Variants in BRCA1 observed in about 807,000 individuals in gnomAD.
The protein encoded by BRCA1 is BRCA1 DNA repair associated.
In BRCA1, 140 loss-of-function variants were observed where a neutral mutation model predicts 173.7. That is an observed-to-expected ratio of 0.81 (90% CI 0.70 to 0.93). BRCA1 has a LOEUF of 0.93. Ranked by LOEUF, BRCA1 falls within the 40% of genes least tolerant of loss-of-function variation. BRCA1 has a pLI of 0.00. For synonymous variants in BRCA1, 662 were observed against 756.0 expected, an observed-to-expected ratio of 0.88 and a Z score of 2.04; for missense variants, 1,983 against 2,172.5, an observed-to-expected ratio of 0.91 and a Z score of 1.73.
chr17:43,139,369 CT>C (rs71228773), intron 1 of BRCA1, among the ~76,000 whole-genome samples: 248 of 142,170 alleles, frequency 1.7e-3, no homozygotes, highest in Middle Eastern at 3.8e-3. Context: ...TAGTTTTTTT[CT>C]TTTTTTTTTT....
intron 2 of BRCA1, among the ~76,000 whole-genome samples, chr17:43,118,504 G>A (rs1461302239): frequency 2.0e-5 from 3 of 151,920 alleles, no homozygotes; most frequent in African/African-American, 4.8e-5. Context: ...AGCCTCCCGA[G>A]TAGCTGGGAC....
Position 43,057,278 on chromosome 17 carries a change from G to A in BRCA1, c.5194-143C>T. 3 of 774,580 alleles carry A rather than the reference G, an allele frequency of 3.9e-6. No homozygotes were observed. In the South Asian group the frequency reaches 4.1e-5, roughly 11 times the overall value. 48.0% of individuals were successfully genotyped at this position (774,580 alleles called of 1,614,324 possible). A position where few individuals can be genotyped will look rare whatever the true frequency, so the allele number is the denominator to read the frequency against. ...TAATCCTAGCACTTTGGGAGACTGAGGCAGGCAGATCACTTGAGGTCAGGA... is the reference window on the plus strand; with the variant it reads ...TAATCCTAGCACTTTGGGAGACTGAAGCAGGCAGATCACTTGAGGTCAGGA... On this transcript the variant is annotated intron_variant, in intron 18 of 22. Coordinates refer to ENST00000357654, the MANE Select transcript of BRCA1 (RefSeq NM_007294.4).
chr17:43,108,586 T>G (rs2054892868), intron 3 of BRCA1, among the ~76,000 whole-genome samples: 1 of 148,394 alleles, frequency 6.7e-6, no homozygotes, highest in South Asian at 2.1e-4. Context: ...CACGCCTGAG[T>G]CCCAGCTACT....
chr17:43,068,828 C>T (rs925263307), intron 15 of BRCA1, among the ~76,000 whole-genome samples: 4 of 152,128 alleles, frequency 2.6e-5, no homozygotes, highest in African/African-American at 9.7e-5. Flanking sequence ...TCAATTCTCT[C>T]GTAAGAAGGC....
intron 6 of BRCA1, among the ~76,000 whole-genome samples, chr17:43,103,872 C>T (rs1226249046): frequency 6.6e-6 from 1 of 151,866 alleles, no homozygotes; most frequent in Non-Finnish European, 1.5e-5. Flanking sequence ...TTTGGGGAGC[C>T]GAGGTGGGTG....
At chr17:43,086,109 T>TACAC (rs376686434) in intron 11 of BRCA1, among the ~76,000 whole-genome samples, 12,349 of 137,318 alleles carry the variant, frequency 0.09, 1,006 homozygotes, top group African/African-American at 0.22. Context: ...ATCACATACA[T>TACAC]ACACACACAC....
chr17:43,053,114 G>A (rs1410346133), intron 19 of BRCA1, among the ~76,000 whole-genome samples: 1 of 151,982 alleles, frequency 6.6e-6, no homozygotes, highest in Non-Finnish European at 1.5e-5. Context: ...CTGACCTCAT[G>A]ATCCACCCGC....
chr17:43,129,322 G>C (rs2055945103), upstream of BRCA1, among the ~76,000 whole-genome samples: 1 of 152,228 alleles, frequency 6.6e-6, no homozygotes, highest in African/African-American at 2.4e-5. Context: ...ATATGGTCCA[G>C]CTAAGCTAGA....
chr17:43,115,945 TGAGAATACAGCA>T (rs2055277225), intron 2 of BRCA1, among the ~76,000 whole-genome samples, 166 bp from the exon 3 acceptor site: 1 of 152,244 alleles, frequency 6.6e-6, no homozygotes, highest in Non-Finnish European at 1.5e-5. Context: ...TGTCAGGAAC[TGAGAATACAGCA>T]GAGAATACGA....
intron 18 of BRCA1, among the ~76,000 whole-genome samples, chr17:43,057,778 G>A (rs1464140999): frequency 6.6e-6 from 1 of 151,922 alleles, no homozygotes; most frequent in Non-Finnish European, 1.5e-5. Context: ...GGAGCTTGCA[G>A]TGAGCGGAGA....
intron 7 of BRCA1, among the ~76,000 whole-genome samples, chr17:43,098,695 A>T (rs907728615): frequency 3.3e-5 from 5 of 151,332 alleles, no homozygotes; most frequent in African/African-American, 1.2e-4. Flanking sequence ...AAAAATAGAG[A>T]CAGGGTTCCC....
At chr17:43,142,324 T>A (rs776019384) in intron 1 of BRCA1, 1 of 152,276 alleles carries the variant, frequency 6.6e-6, no homozygotes, top group Admixed American at 6.5e-5. Context: ...TTAAAGTGCT[T>A]AGCACTGTAC....
In BRCA1 at chr17:43,106,712, CA is replaced by C. The variant is rs574932997; in HGVS notation, c.135-180del. ...TAATTGTTTTTGGATGCTGCATAAG[CA>C]AAAACCTAAACTACATAAGCAATGA... is the stretch of plus-strand genomic sequence containing the variant. On this transcript the variant is annotated intron_variant, in intron 3 of 22. Coordinates refer to ENST00000357654, the MANE Select transcript of BRCA1 (RefSeq NM_007294.4). Among the ~76,000 whole-genome samples, 12 of 152,188 alleles carry C rather than the reference CA, an allele frequency of 7.9e-5. No individual in the cohort carries two copies. The East Asian group carries it at 2.3e-3, about 29-fold the overall frequency.
intron 6 of BRCA1, among the ~76,000 whole-genome samples, chr17:43,103,831 G>A (rs917253778): frequency 6.6e-6 from 1 of 152,000 alleles, no homozygotes; most frequent in Non-Finnish European, 1.5e-5. Context: ...TACCGGCCGG[G>A]CACAGTGGCT....
At chr17:43,113,714 A>G (rs2055141128) in intron 3 of BRCA1, among the ~76,000 whole-genome samples, 1 of 152,094 alleles carries the variant, frequency 6.6e-6, no homozygotes, top group Non-Finnish European at 1.5e-5. Context: ...ATCTCTGCCT[A>G]TAAGCCTATA....
chr17:43,137,135 C>T (rs1458515629), intron 1 of BRCA1, among the ~76,000 whole-genome samples: 1 of 151,842 alleles, frequency 6.6e-6, no homozygotes, highest in Non-Finnish European at 1.5e-5. Flanking sequence ...TTTGTAGGGA[C>T]ATGGATGAAG....
chr17:43,071,292 AG>A, intron 14 of BRCA1, 54 bp from the exon 15 acceptor site: 1 of 1,581,588 alleles, frequency 6.3e-7, no homozygotes, highest in South Asian at 1.1e-5. Flanking sequence ...TGAATTACAA[AG>A]TTCTGGTCTC....
chr17:43,054,254 A>G (rs1025434559), intron 19 of BRCA1, among the ~76,000 whole-genome samples: 2 of 152,350 alleles, frequency 1.3e-5, no homozygotes, highest in Non-Finnish European at 2.9e-5. Context: ...AAATAAGGCC[A>G]GCAGCTTTTC....
In BRCA1 at chr17:43,093,842, C is replaced by A. The variant is rs2053899751; in HGVS notation, c.1689G>T (p.Gln563His). The change falls in exon 10 of 23, where the codon CAG (glutamine) becomes CAT (histidine). Residue 563 changes from glutamine to histidine, a missense_variant. Transcript: ENST00000357654. ...CTATTGGGTTAGGATTTTTCTCATT[C>A]TGAATAGAATCACCTTTTGTTTTAT... ...HENKTKGDSI[Q>H]NEKNPNPIES... The A allele has an allele frequency of 6.2e-7, 1 of 1,613,358 alleles. No individual in the cohort carries two copies. The highest frequency in any genetic ancestry group is 1.1e-5 in the South Asian group (1 of 90,938).
Sources: gnomAD v4.1 joint callset for allele counts (sites outside exome capture counted in the v4.1 genomes callset) on GRCh38, gnomAD v4.1.1 for gene constraint, MANE v1.5 for transcripts, NCBI Gene and HGNC (gene_info 2026-07-23, HGNC 2026-07-21) for gene names.